The following MACROD2 variants were observed in gnomAD, a reference collection of about 807,000 sequenced individuals.
MACROD2 encodes mono-ADP ribosylhydrolase 2.
MACROD2 carries 36 observed loss-of-function variants against 70.4 expected under a neutral mutation model. That is an observed-to-expected ratio of 0.51 (90% CI 0.39 to 0.68). The LOEUF (loss-of-function observed/expected upper bound fraction) is 0.68. MACROD2 is among the 30% of genes least tolerant of loss of function. MACROD2 has a pLI of 0.00. For missense variants in MACROD2, 496 were observed against 538.4 expected (o/e 0.92, Z 0.78); for synonymous variants, 172 against 178.8 (o/e 0.96, Z 0.30).
At chr20:16,043,292 G>A (rs1039610135) in intron 16 of MACROD2, among the ~76,000 whole-genome samples, 1 of 151,986 alleles carries the variant, frequency 6.6e-6, no homozygotes. Flanking sequence ...TGGAAGCAGA[G>A]GTAAAAAATA....
intron 7 of MACROD2, 66 bp downstream of exon 7, chr20:15,431,501 TG>T: frequency 6.9e-7 from 1 of 1,455,720 alleles, no homozygotes; most frequent in Non-Finnish European, 9.6e-7. Context: ...AGAGATTCAG[TG>T]AAAAAATAAG....
chr20:14,523,182 T>A (rs548405142), intron 4 of MACROD2, among the ~76,000 whole-genome samples: 151 of 152,220 alleles, frequency 9.9e-4, no homozygotes, highest in African/African-American at 3.5e-3. Flanking sequence ...TAGTTACAAC[T>A]CCTTCTACTC....
chr20:14,624,685 G>C (rs1224008064), intron 4 of MACROD2, among the ~76,000 whole-genome samples: 2 of 152,200 alleles, frequency 1.3e-5, no homozygotes, highest in Non-Finnish European at 2.9e-5. Flanking sequence ...TGCATGAGCA[G>C]GTGGCCCCTT....
chr20:15,904,844 G>A lies in MACROD2; in HGVS notation c.775+19033G>A, dbSNP rs1172252324. Among the ~76,000 whole-genome samples, 6 of 143,374 alleles carry A rather than the reference G, an allele frequency of 4.2e-5. 1 individual carries two copies. In the East Asian group the frequency reaches 1.3e-3, roughly 31 times the overall value. 94.1% of individuals were successfully genotyped at this position (143,374 alleles called of 152,430 possible). A position where few individuals can be genotyped will look rare whatever the true frequency, so the allele number is the denominator to read the frequency against. ...TGCAGTGAGCCACGATCGCAGCACTGCACTCCAGCCTGCGCGAAAGAGAGA... is the reference window on the plus strand; with the variant it reads ...TGCAGTGAGCCACGATCGCAGCACTACACTCCAGCCTGCGCGAAAGAGAGA... On this transcript the variant is annotated intron_variant, in intron 10 of 17. Coordinates refer to ENST00000684519, the MANE Select transcript of MACROD2 (RefSeq NM_001351661.2).
At chr20:14,765,612 G>A (rs1387383127) in intron 5 of MACROD2, among the ~76,000 whole-genome samples, 1 of 151,956 alleles carries the variant, frequency 6.6e-6, no homozygotes, top group East Asian at 1.9e-4. Context: ...GGAATCAGGG[G>A]GTAAGATATT....
At chr20:14,876,039 T>C (rs1156764187) in intron 5 of MACROD2, among the ~76,000 whole-genome samples, 9 of 152,144 alleles carry the variant, frequency 5.9e-5, no homozygotes, top group Admixed American at 5.9e-4. Flanking sequence ...TTGAGAAATT[T>C]TTAAACTGCT....
intron 3 of MACROD2, among the ~76,000 whole-genome samples, chr20:14,183,480 C>T (rs1295111653): frequency 6.6e-6 from 1 of 151,958 alleles, no homozygotes; most frequent in Non-Finnish European, 1.5e-5. Flanking sequence ...AATAGTGTTG[C>T]AATAAACAGA....
intron 3 of MACROD2, among the ~76,000 whole-genome samples, chr20:14,402,096 T>A (rs2122839136): frequency 6.6e-6 from 1 of 152,312 alleles, no homozygotes; most frequent in African/African-American, 2.4e-5. Context: ...ACAGCTATTA[T>A]AGTTCAATTA....
chr20:15,669,823 G>T (rs187290834), intron 8 of MACROD2, among the ~76,000 whole-genome samples: 1 of 152,290 alleles, frequency 6.6e-6, no homozygotes, highest in African/African-American at 2.4e-5. Flanking sequence ...GGGCACAAAG[G>T]GCAGGTGGGA....
At chr20:14,992,826 T>A (rs898132429) in intron 5 of MACROD2, among the ~76,000 whole-genome samples, 2 of 150,496 alleles carry the variant, frequency 1.3e-5, no homozygotes, top group Non-Finnish European at 2.9e-5. Flanking sequence ...TTGAAAAGCC[T>A]TTTTGCCTAT....
intron 8 of MACROD2, among the ~76,000 whole-genome samples, chr20:15,826,802 G>A (rs1485781626): frequency 1.3e-5 from 2 of 152,080 alleles, no homozygotes; most frequent in Non-Finnish European, 1.5e-5. Context: ...GAAATGATAC[G>A]GCATTTACTT....
intron 3 of MACROD2, among the ~76,000 whole-genome samples, chr20:14,139,393 C>A (rs2148704647): frequency 6.6e-6 from 1 of 152,306 alleles, no homozygotes; most frequent in Admixed American, 6.5e-5. Flanking sequence ...AGTGGCAGAG[C>A]TAAGATTCAA....
chr20:15,814,639 A>G (rs1389597389), intron 8 of MACROD2, among the ~76,000 whole-genome samples: 1 of 152,154 alleles, frequency 6.6e-6, no homozygotes, highest in East Asian at 1.9e-4. Flanking sequence ...TAAGATAACT[A>G]CTATTTCTGT....
At chr20:15,051,949 C>T (rs1266571188) in intron 5 of MACROD2, among the ~76,000 whole-genome samples, 2 of 152,232 alleles carry the variant, frequency 1.3e-5, no homozygotes, top group Middle Eastern at 3.4e-3. Context: ...GACAGGGTTT[C>T]ACCATGTTGG....
intron 7 of MACROD2, among the ~76,000 whole-genome samples, chr20:15,450,364 G>T (rs6079833): frequency 0.47 from 71,181 of 151,676 alleles, 17,283 homozygotes; most frequent in African/African-American, 0.61. Flanking sequence ...AAACATATAA[G>T]TACTGCCCAT....
intron 5 of MACROD2, among the ~76,000 whole-genome samples, chr20:14,964,901 A>G (rs6034072): frequency 0.24 from 36,066 of 152,134 alleles, 5,928 homozygotes; most frequent in African/African-American, 0.44. Flanking sequence ...GGCGGAATAC[A>G]TACAGAATGA....
chr20:14,450,171 CTAT>C (rs1159796720), intron 3 of MACROD2, among the ~76,000 whole-genome samples: 1 of 152,068 alleles, frequency 6.6e-6, no homozygotes, highest in East Asian at 1.9e-4. Flanking sequence ...AAAAATTGTG[CTAT>C]TATTAATACA....
chr20:14,810,735 C>T (rs2072699592), intron 5 of MACROD2, among the ~76,000 whole-genome samples: 1 of 152,086 alleles, frequency 6.6e-6, no homozygotes, highest in Non-Finnish European at 1.5e-5. Flanking sequence ...GGAACTTCAG[C>T]AAAGTCTCAG....
chr20:15,120,034 A>G (rs1455131677), intron 5 of MACROD2, among the ~76,000 whole-genome samples: 1 of 152,166 alleles, frequency 6.6e-6, no homozygotes, highest in African/African-American at 2.4e-5. Context: ...CATATTTATC[A>G]CCCCTAGGAT....
Sources: allele counts gnomAD v4.1 joint callset (sites outside exome capture counted in the v4.1 genomes callset), GRCh38; gene constraint gnomAD v4.1.1; transcripts MANE v1.5; gene names NCBI Gene and HGNC (gene_info 2026-07-23, HGNC 2026-07-21).